The following CDH13 variants were observed in gnomAD, a reference collection of about 807,000 sequenced individuals.
CDH13 encodes the protein cadherin-13.
Under a neutral mutation model 63.8 loss-of-function variants are expected in CDH13, and 24 were observed. That is an observed-to-expected ratio of 0.38 (90% confidence interval 0.27 to 0.53). The LOEUF (loss-of-function observed/expected upper bound fraction) is 0.53. Ranked by LOEUF, CDH13 falls within the 20% of genes least tolerant of loss-of-function variation. CDH13 has a pLI of 0.85. For synonymous variants in CDH13, 503 were observed against 355.3 expected, an observed-to-expected ratio of 1.42 and a Z score of -4.67; for missense variants, 1,049 against 903.1, an observed-to-expected ratio of 1.16 and a Z score of -2.07.
intron 7 of CDH13, among the ~76,000 whole-genome samples, chr16:83,578,415 T>A (rs1052849185): frequency 3.9e-5 from 6 of 152,144 alleles, no homozygotes; most frequent in Non-Finnish European, 8.8e-5. Flanking sequence ...TAAATAACCC[T>A]GGAAGGTCCC....
chr16:82,811,719 T>C (rs1348318964), intron 1 of CDH13, among the ~76,000 whole-genome samples: 5 of 151,974 alleles, frequency 3.3e-5, no homozygotes, highest in African/African-American at 9.7e-5. Flanking sequence ...AGTGAGGAGA[T>C]GGAAAGGTGT....
chr16:82,898,906 G>A (rs2041362346), intron 2 of CDH13, among the ~76,000 whole-genome samples: 1 of 152,222 alleles, frequency 6.6e-6, no homozygotes, highest in South Asian at 2.1e-4. Context: ...TAAAGAGTAT[G>A]CTTAACTTCA....
At chr16:83,551,605 A>C (rs2075499774) in intron 7 of CDH13, among the ~76,000 whole-genome samples, 1 of 152,080 alleles carries the variant, frequency 6.6e-6, no homozygotes, top group Non-Finnish European at 1.5e-5. Flanking sequence ...TCATGTATTC[A>C]CTCAGGCTGG....
intron 6 of CDH13, among the ~76,000 whole-genome samples, chr16:83,425,792 C>T (rs189920000): frequency 4.0e-5 from 6 of 151,890 alleles, no homozygotes; most frequent in African/African-American, 1.4e-4. Flanking sequence ...TTTCTTCTTC[C>T]TCCTTTACTT....
At chr16:83,342,454 C>T (rs1328264048) in intron 5 of CDH13, among the ~76,000 whole-genome samples, 3 of 152,298 alleles carry the variant, frequency 2.0e-5, no homozygotes, top group African/African-American at 7.2e-5. Context: ...CAGCCCTTCA[C>T]TGTTTTTAGA....
At chr16:83,437,080 GT>G (rs1031236168) in intron 6 of CDH13, among the ~76,000 whole-genome samples, 8 of 151,410 alleles carry the variant, frequency 5.3e-5, no homozygotes, top group South Asian at 2.1e-4. Flanking sequence ...TTTTGTTTGG[GT>G]TTTTTTTTCC....
chr16:83,232,407 C>T (rs1487197077), intron 5 of CDH13, among the ~76,000 whole-genome samples: 1 of 151,796 alleles, frequency 6.6e-6, no homozygotes, highest in Non-Finnish European at 1.5e-5. Context: ...TGCCTGTAAT[C>T]CCAGCTACTA....
intron 2 of CDH13, among the ~76,000 whole-genome samples, chr16:83,012,905 G>A (rs919733485): frequency 2.0e-5 from 3 of 152,060 alleles, no homozygotes; most frequent in African/African-American, 7.2e-5. Flanking sequence ...AAAATTAAAG[G>A]CAATACAATA....
At chr16:83,682,102 T>G (rs1334802260) in intron 10 of CDH13, among the ~76,000 whole-genome samples, 1 of 152,222 alleles carries the variant, frequency 6.6e-6, no homozygotes, top group African/African-American at 2.4e-5. Flanking sequence ...TTTAAAAGAA[T>G]TTAAACAAGA....
chr16:82,845,817 C>A (rs1365001063), intron 1 of CDH13, among the ~76,000 whole-genome samples: 1 of 152,210 alleles, frequency 6.6e-6, no homozygotes, highest in Non-Finnish European at 1.5e-5. Context: ...GCAGGCACAT[C>A]CTCTGGTTTC....
At chr16:82,713,435 C>T (rs958635964) in intron 1 of CDH13, among the ~76,000 whole-genome samples, 3 of 152,080 alleles carry the variant, frequency 2.0e-5, no homozygotes, top group African/African-American at 4.8e-5. Context: ...CTGGAGTATG[C>T]GTCCCCCTGA....
At chr16:83,231,480 A>T (rs766977873) in intron 5 of CDH13, among the ~76,000 whole-genome samples, 4 of 152,158 alleles carry the variant, frequency 2.6e-5, no homozygotes, top group Non-Finnish European at 5.9e-5. Context: ...CCTTTGAGGT[A>T]GTGAGTCCCC....
intron 1 of CDH13, among the ~76,000 whole-genome samples, chr16:82,657,640 GTAC>G (rs1210061329): frequency 6.6e-6 from 1 of 152,218 alleles, no homozygotes; most frequent in Non-Finnish European, 1.5e-5. Flanking sequence ...TACATTTCAT[GTAC>G]ACAGTTTGCT....
intron 6 of CDH13, among the ~76,000 whole-genome samples, chr16:83,345,957 G>A (rs2090830652): frequency 6.6e-6 from 1 of 152,096 alleles, no homozygotes; most frequent in South Asian, 2.1e-4. Context: ...TCAGTGACAT[G>A]TAGATACATG....
chr16:82,858,232 C>A, intron 1 of CDH13, 130 bp from the exon 2 acceptor site: 1 of 627,738 alleles, frequency 1.6e-6, no homozygotes, highest in African/African-American at 1.8e-5. Flanking sequence ...GGAGAAGTTT[C>A]AACTTACCTC....
chr16:83,512,195 C>T lies in CDH13; in HGVS notation c.960+25540C>T, dbSNP rs145272424. 3.4e-3 allele frequency among the ~76,000 whole-genome samples: 518 copies of T among 151,492 alleles called. 4 individuals carry two copies. The highest frequency in any genetic ancestry group is 0.012 in the African/African-American group (503 of 41,292). On this transcript the variant is annotated intron_variant, in intron 7 of 13. Coordinates refer to ENST00000567109, the MANE Select transcript of CDH13 (RefSeq NM_001257.5). ...AATTAGCCAGACATGGTGGCGGGTG[C>T]CTGTAGTCCCAGCTACTCGGGAGTT...
At chr16:83,377,273 C>T (rs2091477018) in intron 6 of CDH13, among the ~76,000 whole-genome samples, 1 of 152,178 alleles carries the variant, frequency 6.6e-6, no homozygotes, top group African/African-American at 2.4e-5. Context: ...CAATGGCAAG[C>T]ACCACTGAAG....
intron 10 of CDH13, among the ~76,000 whole-genome samples, chr16:83,679,581 A>G (rs184927750): frequency 3.2e-4 from 48 of 152,330 alleles, no homozygotes; most frequent in African/African-American, 1.1e-3. Flanking sequence ...AAGCGTGTGA[A>G]ATAATACCAA....
intron 1 of CDH13, chr16:82,824,224 T>C (rs552218037): frequency 1.4e-4 from 21 of 152,254 alleles, no homozygotes; most frequent in African/African-American, 4.6e-4. Flanking sequence ...AATACATAAG[T>C]TCATAATGAT....
Sources: allele counts gnomAD v4.1 joint callset (sites outside exome capture counted in the v4.1 genomes callset), GRCh38; gene constraint gnomAD v4.1.1; transcripts MANE v1.5; gene names NCBI Gene and HGNC (gene_info 2026-07-23, HGNC 2026-07-21).